Variants in SLC28A1 observed in about 807,000 individuals in gnomAD.
SLC28A1 encodes the protein sodium/nucleoside cotransporter 1.
SLC28A1 carries 64 observed loss-of-function variants against 74.8 expected under a neutral mutation model. The ratio of observed to expected loss-of-function variants is 0.86; its 90% confidence interval spans 0.70 to 1.05. SLC28A1 has a LOEUF of 1.05. SLC28A1 is among the 50% of genes least tolerant of loss of function. The pLI is 0.00. For missense variants in SLC28A1, 828 were observed against 822.8 expected, an observed-to-expected ratio of 1.01 and a Z score of -0.08; for synonymous variants, 359 against 335.0, an observed-to-expected ratio of 1.07 and a Z score of -0.78.
At chr15:84,933,580 G>C (rs1452783899) in intron 13 of SLC28A1, among the ~76,000 whole-genome samples, 4 of 152,184 alleles carry the variant, frequency 2.6e-5, no homozygotes, top group African/African-American at 7.2e-5. Flanking sequence ...GGATTCTGCA[G>C]AGTCCCAAGT....
In SLC28A1 at chr15:84,935,043, T is replaced by A. The variant is rs776404211; in HGVS notation, c.1232T>A (p.Ile411Lys). 6.2e-7 allele frequency: 1 copy of A among 1,614,128 alleles called. No homozygotes were observed. The highest frequency in any genetic ancestry group is 8.5e-7 in the Non-Finnish European group (1 of 1,179,960). ...AACAACAGAGATGCTCAGAACCTCA[T>A]AGAAGCAGCCAGCACTGGGGCCGCC... ...KLTYGDAQNLIEAASTGAAIS... is the reference protein window; with the variant it reads ...KLTYGDAQNLKEAASTGAAIS... Residue 411 changes from isoleucine (I) to lysine (K), a missense_variant, in exon 14 of 19, where the codon ATA (isoleucine) becomes AAA (lysine). By Grantham distance (102) the Ile-to-Lys change is moderately radical. Transcript: ENST00000394573.
the SLC28A1 span, among the ~76,000 whole-genome samples, chr15:84,965,044 C>T: frequency 6.6e-6 from 1 of 152,108 alleles, no homozygotes; most frequent in South Asian, 2.1e-4. Flanking sequence ...TGTCCCCACA[C>T]CCAAATCTCA....
chr15:84,970,904 C>T, the SLC28A1 span, among the ~76,000 whole-genome samples: 11 of 152,086 alleles, frequency 7.2e-5, no homozygotes, highest in Non-Finnish European at 1.3e-4. Flanking sequence ...CATGGCCAGT[C>T]TGAGATGTAA....
downstream of SLC28A1, among the ~76,000 whole-genome samples, chr15:84,946,700 T>C (rs573960195): frequency 2.0e-5 from 3 of 152,222 alleles, no homozygotes; most frequent in East Asian, 3.9e-4. Flanking sequence ...GGAACCCTGA[T>C]GGGTGGCCCG....
In SLC28A1 at chr15:84,944,927, C is replaced by T. The variant is rs74024766; in HGVS notation, c.1874+60C>T. The T allele has an allele frequency of 1.2e-3, 1,571 of 1,282,744 alleles. 13 individuals are homozygous for T. The African/African-American group carries it at 0.014, about 11-fold the overall frequency. 79.5% of individuals were successfully genotyped at this position (1,282,744 alleles called of 1,614,324 possible). A position where few individuals can be genotyped will look rare whatever the true frequency, so the allele number is the denominator to read the frequency against. On this transcript the variant is annotated intron_variant, in intron 18 of 18. Transcript: ENST00000394573. ...CACAGTGATAGACAGAATGCCTGAG[C>T]GCTGGGGGGGATGCCTTTGGTACCA...
intron 8 of SLC28A1, among the ~76,000 whole-genome samples, chr15:84,906,148 T>C (rs1164962285): frequency 2.0e-5 from 3 of 151,756 alleles, no homozygotes; most frequent in Non-Finnish European, 4.4e-5. Flanking sequence ...GCCTGCCCAG[T>C]AGCTGGGATT....
At chr15:84,889,878 C>T (rs1419374721) in intron 4 of SLC28A1, among the ~76,000 whole-genome samples, 2 of 142,990 alleles carry the variant, frequency 1.4e-5, no homozygotes, top group Admixed American at 1.4e-4. Context: ...TTTTTTTAGG[C>T]AGGTCTCACT....
At chr15:84,956,080 T>A in the SLC28A1 span, among the ~76,000 whole-genome samples, 5 of 152,176 alleles carry the variant, frequency 3.3e-5, no homozygotes, top group Non-Finnish European at 7.4e-5. Context: ...ATCCCTGACT[T>A]CTCCCCTTCA....
chr15:84,951,391 A>C, the SLC28A1 span, among the ~76,000 whole-genome samples: 1 of 151,088 alleles, frequency 6.6e-6, no homozygotes, highest in Admixed American at 6.6e-5. Context: ...GACCCACTGC[A>C]CTCCAGCTCA....
intron 12 of SLC28A1, among the ~76,000 whole-genome samples, chr15:84,925,862 A>G (rs1970451011): frequency 6.6e-6 from 1 of 152,084 alleles, no homozygotes. Context: ...ACTGATGTTC[A>G]AAGGAATTAA....
At chr15:84,928,527 G>T (rs7181068) in intron 12 of SLC28A1, among the ~76,000 whole-genome samples, 11,823 of 46,650 alleles carry the variant, frequency 0.25, 1,491 homozygotes, top group African/African-American at 0.34. Context: ...AGGTTCGTTC[G>T]TTCTTTCTTT....
At chr15:84,890,645 C>A in intron 5 of SLC28A1, 111 bp downstream of exon 5, 1 of 906,652 alleles carries the variant, frequency 1.1e-6, no homozygotes, top group Non-Finnish European at 1.7e-6. Context: ...GGTTGTTGAG[C>A]ACCAACTCAG....
chr15:84,885,151 G>C (rs868276750), intron 1 of SLC28A1, among the ~76,000 whole-genome samples: 1 of 151,740 alleles, frequency 6.6e-6, no homozygotes, highest in Non-Finnish European at 1.5e-5. Context: ...TAGAGACGGG[G>C]TTTCACCATG....
Position 84,888,804 on chromosome 15 carries a change from C to A in SLC28A1, c.129C>A (p.Ser43Arg). The change falls in exon 4 of 19, where the codon AGC becomes AGA. Residue 43 changes from serine (S) to arginine (R), a missense_variant. Ser to Arg is a moderately radical substitution (Grantham distance 110). This residue lies in a region of SLC28A1 where 767 missense variants were observed against 753.5 expected (regional missense o/e 1.02). Transcript: ENST00000394573. ...EEGQLPRSDL[S>R]PAEIRSSWSE... is the part of the protein sequence containing the mutation. Reference sequence around the variant, plus strand: ...GCCAGCTCCCTAGGAGTGACTTGAGCCCCGCAGAGATCAGGAGCAGCTGGA... The same window carrying A: ...GCCAGCTCCCTAGGAGTGACTTGAGACCCGCAGAGATCAGGAGCAGCTGGA... 2 of 1,554,704 alleles carry A rather than the reference C, an allele frequency of 1.3e-6. No homozygotes were observed. The highest frequency in any genetic ancestry group is 1.7e-6 in the Non-Finnish European group (2 of 1,148,822).
At chr15:84,919,092 G>C (rs1332626696) in intron 10 of SLC28A1, among the ~76,000 whole-genome samples, 1 of 152,222 alleles carries the variant, frequency 6.6e-6, no homozygotes, top group Non-Finnish European at 1.5e-5. Flanking sequence ...GTCCTTGCTA[G>C]AGGAAAGGTT....
At position 84,905,639 on chromosome 15, in the gene SLC28A1, G is replaced by A. The variant is rs947918160; in HGVS notation, c.704G>A (p.Gly235Asp). Reference sequence around the variant, plus strand: ...GGATTCATTGCGTTCGAGTGGCTGGGCGAGCAGATCCGGGTAGGTATGTGG... The same window carrying A: ...GGATTCATTGCGTTCGAGTGGCTGGACGAGCAGATCCGGGTAGGTATGTGG... ...EPGFIAFEWL[G>D]EQIRIFLSYT... is the part of the protein sequence containing the mutation. The change falls in exon 8 of 19, where the codon GGC (glycine) becomes GAC (aspartate). Residue 235 changes from glycine to aspartate, a missense_variant. Physicochemically the swap from Gly to Asp is moderately conservative, Grantham distance 94. Transcript: ENST00000394573. 9 of 1,613,288 alleles carry A rather than the reference G, an allele frequency of 5.6e-6. No individual in the cohort carries two copies. Among genetic ancestry groups the A allele is most frequent in the Non-Finnish European group, 7.6e-6 (9 of 1,179,248 alleles).
intron 6 of SLC28A1, among the ~76,000 whole-genome samples, chr15:84,899,751 A>G (rs1966397896): frequency 1.3e-5 from 2 of 152,136 alleles, no homozygotes; most frequent in African/African-American, 2.4e-5. Flanking sequence ...AAGAAATGCT[A>G]AAGGAGTGGC....
At chr15:84,922,037 G>T (rs1355752416) in intron 11 of SLC28A1, among the ~76,000 whole-genome samples, 4 of 152,194 alleles carry the variant, frequency 2.6e-5, no homozygotes, top group Non-Finnish European at 5.9e-5. Flanking sequence ...AGATGCCGGG[G>T]TCTACGCCTC....
At chr15:84,923,353 C>A (rs1330685463) in intron 11 of SLC28A1, among the ~76,000 whole-genome samples, 12 of 148,412 alleles carry the variant, frequency 8.1e-5, no homozygotes. Flanking sequence ...TTATCTATAT[C>A]CTCCCACCCT....
Sources: allele counts gnomAD v4.1 joint callset (sites outside exome capture counted in the v4.1 genomes callset), GRCh38; gene constraint gnomAD v4.1.1; regional missense constraint gnomAD v4.1.1; transcripts MANE v1.5; gene names NCBI Gene and HGNC (gene_info 2026-07-23, HGNC 2026-07-21).